The following C10orf71 variants were observed in gnomAD, a reference collection of about 807,000 sequenced individuals.
C10orf71 encodes the protein chromosome 10 open reading frame 71.
For synonymous variants in C10orf71, 758 were observed against 726.3 expected (o/e 1.04, Z -0.70); for missense variants, 1,869 against 1,804.5 (o/e 1.04, Z -0.65).
In C10orf71 at chr10:49,323,471, C is replaced by T. The variant is rs764130607; in HGVS notation, c.926C>T (p.Thr309Met). The change falls in exon 3 of 3, where the codon ACG (threonine) becomes ATG (methionine). Residue 309 changes from threonine (T) to methionine (M), a missense_variant. Coordinates refer to ENST00000374144, the MANE Select transcript of C10orf71 (RefSeq NM_001135196.2). ...ESKAPKHYGD[T>M]TLLREPCPPE... Reference sequence around the variant, plus strand: ...AAAGCTCCCAAGCACTATGGGGACACGACCTTGCTAAGAGAACCCTGTCCT... The same window carrying T: ...AAAGCTCCCAAGCACTATGGGGACATGACCTTGCTAAGAGAACCCTGTCCT... 30 of 1,613,836 alleles carry T rather than the reference C, an allele frequency of 1.9e-5. No individual in the cohort carries two copies. The highest frequency in any genetic ancestry group is 8.8e-5 in the South Asian group (8 of 91,086).
At chr10:49,310,852 T>A (rs1176062619) in intron 1 of C10orf71, among the ~76,000 whole-genome samples, 2 of 152,060 alleles carry the variant, frequency 1.3e-5, no homozygotes, top group Non-Finnish European at 2.9e-5. Flanking sequence ...CGTCGTCCAG[T>A]GGAATTTGAA....
intron 2 of C10orf71, among the ~76,000 whole-genome samples, chr10:49,316,607 T>C (rs1564687213): frequency 6.6e-6 from 1 of 152,102 alleles, no homozygotes; most frequent in South Asian, 2.1e-4. Flanking sequence ...GAAATTCATA[T>C]GTATTAAAAG....
Position 49,327,410 on chromosome 10 carries a change from A to G in C10orf71, c.*557A>G, listed in dbSNP as rs1035988950. The G allele has an allele frequency of 5.8e-6, 1 of 171,886 alleles. No homozygotes were observed. The highest frequency in any genetic ancestry group is 1.4e-5 in the Non-Finnish European group (1 of 71,206). The allele number at this position is 171,886 out of a possible 1,614,324, so 10.6% of individuals were successfully genotyped here. On this transcript the variant is annotated 3_prime_UTR_variant, in exon 3 of 3. Coordinates refer to ENST00000374144, the MANE Select transcript of C10orf71 (RefSeq NM_001135196.2). The stretch of plus-strand genomic sequence containing the variant: ...AGAATGGGTTTCCTTCACAGGGAGA[A>G]ACTTGCCTCTGAAAGCTATTTTCTG...
intron 1 of C10orf71, among the ~76,000 whole-genome samples, chr10:49,303,535 G>A (rs72792834): frequency 4.7e-3 from 720 of 152,306 alleles, no homozygotes; most frequent in Non-Finnish European, 6.7e-3. Flanking sequence ...AGTCCTGAGC[G>A]GGATCAAGCA....
chr10:49,310,348 C>T (rs1590327855), intron 1 of C10orf71, among the ~76,000 whole-genome samples: 1 of 152,326 alleles, frequency 6.6e-6, no homozygotes, highest in Admixed American at 6.5e-5. Context: ...TGAACTCCAG[C>T]CCATGAGCCA....
chr10:49,311,437 C>A (rs1445991305), intron 1 of C10orf71, among the ~76,000 whole-genome samples: 1 of 152,218 alleles, frequency 6.6e-6, no homozygotes, highest in Non-Finnish European at 1.5e-5. Flanking sequence ...TGTCCCTTTG[C>A]ACACTGCAGT....
At chr10:49,308,275 G>T (rs754972371) in intron 1 of C10orf71, among the ~76,000 whole-genome samples, 2 of 152,232 alleles carry the variant, frequency 1.3e-5, no homozygotes, top group Non-Finnish European at 1.5e-5. Flanking sequence ...GGTTGTAGAA[G>T]ATTCAGACTC....
In C10orf71 at chr10:49,326,315, G is replaced by GT; in HGVS notation, c.3770_3771insT (p.Pro1258AlafsTer44). 2 of 1,549,320 alleles carry GT rather than the reference G, an allele frequency of 1.3e-6. No individual in the cohort carries two copies. On this transcript the variant is annotated frameshift_variant, in exon 3 of 3. Transcript: ENST00000374144. LOFTEE classifies it low-confidence loss of function (END_TRUNC). ...GGCTTCTCGGAGCCTGTCGGGAGGC[G>GT]GCCCGGGGGCCCCCAGTCCCTCACA...
chr10:49,314,999 C>A (rs567549322), intron 1 of C10orf71, among the ~76,000 whole-genome samples: 43 of 152,280 alleles, frequency 2.8e-4, no homozygotes, highest in African/African-American at 9.9e-4. Flanking sequence ...AAGCAGCGAT[C>A]ATCAGTTCCT....
At chr10:49,303,945 G>A (rs1393202471) in intron 1 of C10orf71, among the ~76,000 whole-genome samples, 1 of 152,196 alleles carries the variant, frequency 6.6e-6, no homozygotes, top group Non-Finnish European at 1.5e-5. Context: ...GCCTCCAGCA[G>A]AGACAGGAGA....
chr10:49,298,345 GA>G (rs548417382), upstream of C10orf71, among the ~76,000 whole-genome samples: 6 of 152,172 alleles, frequency 3.9e-5, no homozygotes, highest in South Asian at 4.2e-4. Context: ...GAGAAAGGGG[GA>G]AAAAAACCCA....
chr10:49,323,580 A>T lies in C10orf71; in HGVS notation c.1035A>T (p.Thr345=). Reference sequence around the variant, plus strand: ...GACTTGCAGCAGGGGCTCTGTCCACATCTATACCCTGGGGGTGCAGGGATC... The same window carrying T: ...GACTTGCAGCAGGGGCTCTGTCCACTTCTATACCCTGGGGGTGCAGGGATC... ...ENRLAAGALS[T]SIPWGCRDPG... Residue 345 remains threonine (T), a synonymous_variant, in exon 3 of 3, where the codon ACA becomes ACT. Transcript: ENST00000374144. 2 of 1,604,564 alleles carry T rather than the reference A, an allele frequency of 1.2e-6. No individual in the cohort carries two copies. Among genetic ancestry groups the T allele is most frequent in the African/African-American group, 1.3e-5 (1 of 74,488 alleles).
intron 1 of C10orf71, among the ~76,000 whole-genome samples, 167 bp from the exon 2 acceptor site, chr10:49,315,978 C>T (rs1193960159): frequency 6.6e-6 from 1 of 152,184 alleles, no homozygotes; most frequent in African/African-American, 2.4e-5. Flanking sequence ...ATTGCTTGAA[C>T]CCAGGAGGCA....
intron 1 of C10orf71, among the ~76,000 whole-genome samples, chr10:49,315,052 G>A (rs964596104): frequency 1.3e-5 from 2 of 152,184 alleles, no homozygotes; most frequent in Non-Finnish European, 2.9e-5. Flanking sequence ...ACAGAGCTGA[G>A]CTATGGAAAA....
At chr10:49,315,744 G>A (rs1383583202) in intron 1 of C10orf71, among the ~76,000 whole-genome samples, 1 of 152,164 alleles carries the variant, frequency 6.6e-6, no homozygotes, top group African/African-American at 2.4e-5. Flanking sequence ...CAACTACATC[G>A]TTGTATAACT....
Position 49,326,504 on chromosome 10 carries a change from C to T in C10orf71, c.3959C>T (p.Pro1320Leu), listed in dbSNP as rs957312662. Residue 1320 changes from proline (P) to leucine (L), a missense_variant, in exon 3 of 3, where the codon CCA becomes CTA. By Grantham distance (98) the Pro-to-Leu change is moderately conservative. Transcript: ENST00000374144. ...ATCCCGTCCTCCGAGGGGGCCTCCC[C>T]AGAGCCGCCCCCACCGGACGCCCTG... ...VSIPSSEGASPEPPPPDALAA... is the reference protein window; with the variant it reads ...VSIPSSEGASLEPPPPDALAA... 6.4e-7 allele frequency: 1 copy of T among 1,550,506 alleles called. No homozygotes were observed. The highest frequency in any genetic ancestry group is 8.7e-7 in the Non-Finnish European group (1 of 1,146,894).
chr10:49,325,897 G>C lies in C10orf71; in HGVS notation c.3352G>C (p.Val1118Leu). 6.5e-7 allele frequency: 1 copy of C among 1,549,946 alleles called. No individual in the cohort carries two copies. The highest frequency in any genetic ancestry group is 8.7e-7 in the Non-Finnish European group (1 of 1,145,766). ...GAGGGAGGACCTGACCCACGCCCTC[G>C]TGTGGGAGGGCGGCTCTGACCCCCT... Reference protein sequence around the residue: ...TRREDLTHALVWEGGSDPLLE... With the variant: ...TRREDLTHALLWEGGSDPLLE... The change falls in exon 3 of 3, where the codon GTG becomes CTG. Residue 1118 changes from valine (V) to leucine (L), a missense_variant. Val to Leu is a conservative substitution (Grantham distance 32). Transcript: ENST00000374144.
Position 49,323,290 on chromosome 10 carries a change from A to G in C10orf71, c.745A>G (p.Lys249Glu). 1 of 1,613,902 alleles carries G rather than the reference A, an allele frequency of 6.2e-7. No homozygotes were observed. Among genetic ancestry groups the G allele is most frequent in the Non-Finnish European group, 8.5e-7 (1 of 1,179,842 alleles). The change falls in exon 3 of 3, where the codon AAG becomes GAG. Residue 249 changes from lysine (K) to glutamate (E), a missense_variant. Lys to Glu is a moderately conservative substitution (Grantham distance 56, BLOSUM62 1). Transcript: ENST00000374144. ...TGACACGGCCACCTTATGTGAGTCA[A>G]AGTTCCCCTCTCCACACCACAAGCC... ...ANDTATLCES[K>E]FPSPHHKPVT...
intron 2 of C10orf71, among the ~76,000 whole-genome samples, chr10:49,318,475 A>C (rs1295289007): frequency 6.6e-6 from 1 of 152,228 alleles, no homozygotes; most frequent in Non-Finnish European, 1.5e-5. Context: ...AGGGCTGAGG[A>C]GCATGTGCAG....
Sources: allele counts gnomAD v4.1 joint callset (sites outside exome capture counted in the v4.1 genomes callset), GRCh38; gene constraint gnomAD v4.1.1; transcripts MANE v1.5; gene names NCBI Gene and HGNC (gene_info 2026-07-23, HGNC 2026-07-21).